The following NIPAL2 variants were observed in gnomAD, a reference collection of about 807,000 sequenced individuals.
NIPAL2 encodes NIPA like domain containing 2.
A neutral mutation model predicts 48.9 loss-of-function variants in NIPAL2; 43 were observed. That is an observed-to-expected ratio of 0.88 (90% CI 0.69 to 1.13). The LOEUF (loss-of-function observed/expected upper bound fraction) is 1.13. Ranked by LOEUF, NIPAL2 falls within the 50% of genes most tolerant of loss-of-function variation. The pLI, the probability that NIPAL2 is intolerant of heterozygous loss-of-function variation, is 0.00. For missense variants in NIPAL2, 446 were observed against 461.4 expected (o/e 0.97, Z 0.31); for synonymous variants, 167 against 174.6 (o/e 0.96, Z 0.34).
chr8:98,238,147 C>T (rs1185327037), intron 3 of NIPAL2, among the ~76,000 whole-genome samples: 1 of 152,066 alleles, frequency 6.6e-6, no homozygotes, highest in Non-Finnish European at 1.5e-5. Flanking sequence ...CTGAGTTGTC[C>T]CTGTTATGGG....
chr8:98,197,899 GA>G (rs1810620573), intron 8 of NIPAL2, among the ~76,000 whole-genome samples: 1 of 152,180 alleles, frequency 6.6e-6, no homozygotes, highest in Admixed American at 6.5e-5. Flanking sequence ...AGGAGGGTTA[GA>G]ATAGACTTCT....
intron 4 of NIPAL2, among the ~76,000 whole-genome samples, chr8:98,234,501 A>AAT (rs1311401855): frequency 1.3e-5 from 2 of 152,156 alleles, no homozygotes; most frequent in Non-Finnish European, 2.9e-5. Flanking sequence ...TGAGAAAAAT[A>AAT]ATATATCTAG....
intron 6 of NIPAL2, among the ~76,000 whole-genome samples, chr8:98,208,878 G>T (rs2130716493): frequency 6.6e-6 from 1 of 152,062 alleles, no homozygotes; most frequent in East Asian, 1.9e-4. Flanking sequence ...AATCACACAA[G>T]CAATATCATG....
chr8:98,275,934 C>T (rs1048020650), intron 1 of NIPAL2, among the ~76,000 whole-genome samples: 1 of 152,066 alleles, frequency 6.6e-6, no homozygotes, highest in Non-Finnish European at 1.5e-5. Context: ...TATTTTTTAA[C>T]CAGTATTATT....
chr8:98,239,476 C>T (rs1309657066), intron 3 of NIPAL2, among the ~76,000 whole-genome samples: 1 of 152,154 alleles, frequency 6.6e-6, no homozygotes, highest in Non-Finnish European at 1.5e-5. Flanking sequence ...GAAATAATTT[C>T]ATTGCTAAAA....
chr8:98,235,933 G>A (rs1812687565), intron 4 of NIPAL2, among the ~76,000 whole-genome samples: 1 of 151,248 alleles, frequency 6.6e-6, no homozygotes, highest in East Asian at 1.9e-4. Flanking sequence ...ATTTGCTATA[G>A]CAAAAATTGA....
rs143170810 is a variant in NIPAL2 at position 98,203,846 on chromosome 8, C to CTGTGTGTGTG, written c.792-660_792-651dup. On this transcript the variant is annotated intron_variant, in intron 7 of 10. Transcript: ENST00000430223. ...GAAAAAAGTACTTTGTGGGTAGAGC[C>CTGTGTGTGTG]TGTGTGTGTGTGTGTGTGTGTGTGT... Among the ~76,000 whole-genome samples the CTGTGTGTGTG allele has an allele frequency of 2.0e-3, 296 of 146,820 alleles. 1 individual carries two copies. Among genetic ancestry groups the CTGTGTGTGTG allele is most frequent in the East Asian group, 7.8e-3 (39 of 5,018 alleles).
chr8:98,238,883 T>A (rs1812849099), intron 3 of NIPAL2, among the ~76,000 whole-genome samples: 1 of 152,208 alleles, frequency 6.6e-6, no homozygotes, highest in South Asian at 2.1e-4. Context: ...CTATTTCAGA[T>A]TTGGGCCAAA....
At chr8:98,276,041 C>T (rs529776513) in intron 1 of NIPAL2, among the ~76,000 whole-genome samples, 5 of 152,210 alleles carry the variant, frequency 3.3e-5, no homozygotes, top group Non-Finnish European at 5.9e-5. Context: ...TTCCCATTCT[C>T]ATGAATCAAG....
chr8:98,233,617 A>T (rs1812555684), intron 4 of NIPAL2, among the ~76,000 whole-genome samples: 1 of 152,180 alleles, frequency 6.6e-6, no homozygotes, highest in Admixed American at 6.5e-5. Context: ...ATCTGAAGTT[A>T]TGAGAGTCAG....
chr8:98,205,299 A>G, intron 6 of NIPAL2, 53 bp from the exon 7 acceptor site: 6 of 1,510,292 alleles, frequency 4.0e-6, no homozygotes, highest in Non-Finnish European at 5.4e-6. Context: ...GATTGAATTA[A>G]CAAATATCTT....
intron 3 of NIPAL2, among the ~76,000 whole-genome samples, chr8:98,248,869 G>A (rs1023710275): frequency 6.6e-6 from 1 of 152,112 alleles, no homozygotes; most frequent in South Asian, 2.1e-4. Context: ...AGGATACAAA[G>A]GTTCTGACTC....
chr8:98,245,086 T>C (rs1475095505), intron 3 of NIPAL2, among the ~76,000 whole-genome samples: 4 of 152,208 alleles, frequency 2.6e-5, no homozygotes, highest in African/African-American at 9.6e-5. Context: ...TACATAATAA[T>C]GCTACAAACA....
intron 4 of NIPAL2, chr8:98,231,951 CTACT>C (rs1812460557): frequency 6.6e-6 from 1 of 152,188 alleles, no homozygotes; most frequent in Non-Finnish European, 1.5e-5. Context: ...ACACCACTAA[CTACT>C]CTTTTACCTG....
At chr8:98,199,971 A>C (rs1810727984) in intron 8 of NIPAL2, among the ~76,000 whole-genome samples, 1 of 151,870 alleles carries the variant, frequency 6.6e-6, no homozygotes, top group Non-Finnish European at 1.5e-5. Context: ...TTATTTATTT[A>C]GAGATAAGGT....
intron 3 of NIPAL2, among the ~76,000 whole-genome samples, chr8:98,241,692 T>C (rs181464648): frequency 2.6e-5 from 4 of 152,314 alleles, no homozygotes; most frequent in Admixed American, 6.5e-5. Context: ...AATTACACAG[T>C]GATATTGATA....
chr8:98,198,323 G>C (rs1263416614), intron 8 of NIPAL2, among the ~76,000 whole-genome samples: 2 of 152,218 alleles, frequency 1.3e-5, no homozygotes, highest in Admixed American at 1.3e-4. Flanking sequence ...AGGCTTAGTT[G>C]TTTCATTTAA....
intron 3 of NIPAL2, among the ~76,000 whole-genome samples, chr8:98,241,185 C>T (rs1812962613): frequency 6.6e-6 from 1 of 152,174 alleles, no homozygotes; most frequent in South Asian, 2.1e-4. Context: ...CTTTTCTTTA[C>T]TTAGTGATGA....
chr8:98,196,778 G>A (rs1810572335), intron 8 of NIPAL2, among the ~76,000 whole-genome samples: 1 of 152,186 alleles, frequency 6.6e-6, no homozygotes, highest in Admixed American at 6.5e-5. Flanking sequence ...AATATTTATT[G>A]AACGTCTGCT....
Sources: allele counts gnomAD v4.1 joint callset (sites outside exome capture counted in the v4.1 genomes callset), GRCh38; gene constraint gnomAD v4.1.1; transcripts MANE v1.5; gene names NCBI Gene and HGNC (gene_info 2026-07-23, HGNC 2026-07-21).